The following KAT2A variants were observed in gnomAD, a reference collection of about 807,000 sequenced individuals.
The protein encoded by KAT2A is lysine acetyltransferase 2A, also known as histone acetyltransferase KAT2A.
KAT2A carries 42 observed loss-of-function variants against 95.2 expected under a neutral mutation model. The ratio of observed to expected loss-of-function variants is 0.44; its 90% CI spans 0.34 to 0.57. The LOEUF (loss-of-function observed/expected upper bound fraction) is 0.57. Ranked by LOEUF, KAT2A falls within the 20% of genes least tolerant of loss-of-function variation. The pLI, the probability that KAT2A is intolerant of heterozygous loss-of-function variation, is 0.01. For missense variants in KAT2A, 784 were observed against 1,126.3 expected, an observed-to-expected ratio of 0.70 and a Z score of 4.35; for synonymous variants, 449 against 448.2, an observed-to-expected ratio of 1.00 and a Z score of -0.02.
At position 42,114,809 on chromosome 17, in the gene KAT2A, G is replaced by A. The variant is rs572924075; in HGVS notation, c.2019+83C>T. 87 of 1,420,558 alleles carry A rather than the reference G, an allele frequency of 6.1e-5. 1 individual carries two copies. The highest frequency in any genetic ancestry group is 7.0e-5 in the African/African-American group (5 of 71,296). The allele number at this position is 1,420,558 out of a possible 1,614,324, so 88.0% of individuals were successfully genotyped here. On this transcript the variant is annotated intron_variant, in intron 13 of 17. Transcript: ENST00000225916. The surrounding 1 kb of genome is among the most constrained non-coding windows in gnomAD (Gnocchi z 6.0). ...CTCACACACATATATGCATGTAGACGTAGAACAGGTCTACACACGTGTGCT... is the reference window on the plus strand; with the variant it reads ...CTCACACACATATATGCATGTAGACATAGAACAGGTCTACACACGTGTGCT...
At position 42,117,150 on chromosome 17, in the gene KAT2A, G is replaced by C; in HGVS notation, c.1649C>G (p.Thr550Ser). 6.2e-7 allele frequency: 1 copy of C among 1,614,052 alleles called. No individual in the cohort carries two copies. The highest frequency in any genetic ancestry group is 2.2e-5 in the East Asian group (1 of 44,884). ...ARLVFDPKHK[T>S]LALIKDGRVI... is the part of the protein sequence containing the mutation. Reference sequence around the variant, plus strand: ...CCGCCCATCCTTGATCAAGGCCAGAGTCTTGTGCTTCCTAAGAGAGAGGGG... The same window carrying C: ...CCGCCCATCCTTGATCAAGGCCAGACTCTTGTGCTTCCTAAGAGAGAGGGG... Residue 550 changes from threonine to serine, a missense_variant, in exon 11 of 18, where the codon ACT (threonine) becomes AGT (serine). Physicochemically the swap from Thr to Ser is moderately conservative, Grantham distance 58. Around this residue, in one of 6 missense-constraint regions of KAT2A, gnomAD observed 174 missense variants for 324.9 expected, o/e 0.54. Transcript: ENST00000225916. This position sits in a 1 kb window ranked among gnomAD's most constrained non-coding sequence, Gnocchi z 8.9.
Position 42,114,965 on chromosome 17 carries a change from G to A in KAT2A, c.1946C>T (p.Thr649Met). The A allele has an allele frequency of 6.2e-7, 1 of 1,614,004 alleles. No homozygotes were observed. The highest frequency in any genetic ancestry group is 8.5e-7 in the Non-Finnish European group (1 of 1,179,956). The change falls in exon 13 of 18, where the codon ACG becomes ATG. Residue 649 changes from threonine to methionine, a missense_variant. Thr to Met is a moderately conservative substitution (Grantham distance 81). Coordinates refer to ENST00000225916, the MANE Select transcript of KAT2A (RefSeq NM_021078.3). The surrounding 1 kb of genome is among the most constrained non-coding windows in gnomAD (Gnocchi z 6.0). ...GGGATTCAGCTCACACTCCATCAGC[G>A]TCGCTCCCTCGTAGTCCTTGATGTA... ...LGYIKDYEGA[T>M]LMECELNPRI...
Position 42,120,346 on chromosome 17 carries a change from T to G in KAT2A, c.488A>C (p.Asn163Thr). 1 of 1,614,224 alleles carries G rather than the reference T, an allele frequency of 6.2e-7. No homozygotes were observed. The highest frequency in any genetic ancestry group is 8.5e-7 in the Non-Finnish European group (1 of 1,180,028). The change falls in exon 3 of 18, where the codon AAT becomes ACT. Residue 163 changes from asparagine (N) to threonine (T), a missense_variant. Physicochemically the swap from Asn to Thr is moderately conservative, Grantham distance 65. Transcript: ENST00000225916. ...PLADHVSHLE[N>T]VSEDEINRLL... is the part of the protein sequence containing the mutation. ...TCGGTTTATCTCATCCTCTGACACA[T>G]TCTCCAAGTGGGATACGTGGTCAGC...
chr17:42,116,324 C>A (rs547029660), intron 11 of KAT2A, among the ~76,000 whole-genome samples: 2 of 152,200 alleles, frequency 1.3e-5, no homozygotes, highest in African/African-American at 4.8e-5. Context: ...AGGCACCACA[C>A]AGATCTGAGG....
chr17:42,119,784 G>A lies in KAT2A; in HGVS notation c.700-66C>T, dbSNP rs1046551677. The A allele has an allele frequency of 1.7e-5, 23 of 1,351,406 alleles. No individual in the cohort carries two copies. Among genetic ancestry groups the A allele is most frequent in the Non-Finnish European group, 2.3e-5 (23 of 984,990 alleles). 83.7% of individuals were successfully genotyped at this position (1,351,406 alleles called of 1,614,324 possible). A position where few individuals can be genotyped will look rare whatever the true frequency, so the allele number is the denominator to read the frequency against. On this transcript the variant is annotated intron_variant, in intron 4 of 17. Transcript: ENST00000225916. The surrounding 1 kb of genome is among the most constrained non-coding windows in gnomAD (Gnocchi z 5.3). ...GTGAGCAGCCCGCAGGGCCTTCTTA[G>A]ACAAAGGAAGATGCTCCCTGGCCAG... is the stretch of plus-strand genomic sequence containing the variant.
Position 42,117,244 on chromosome 17 carries a change from G to A in KAT2A, c.1638-83C>T, listed in dbSNP as rs1336232458. ...CCTGGAAGTCTGAGCTGTAGTCAGG[G>A]TTGGGCAGTGAGAAGTAAGAATGCT... is the stretch of plus-strand genomic sequence containing the variant. On this transcript the variant is annotated intron_variant, in intron 10 of 17. Coordinates refer to ENST00000225916, the MANE Select transcript of KAT2A (RefSeq NM_021078.3). This position sits in a 1 kb window ranked among gnomAD's most constrained non-coding sequence, Gnocchi z 8.9. 1.3e-6 allele frequency: 2 copies of A among 1,583,342 alleles called. No individual in the cohort carries two copies. The highest frequency in any genetic ancestry group is 1.1e-5 in the South Asian group (1 of 89,448).
In KAT2A at chr17:42,114,399, A is replaced by G. The variant is rs782674191; in HGVS notation, c.2135-5T>C. The G allele has an allele frequency of 1.2e-6, 2 of 1,613,944 alleles. No individual in the cohort carries two copies. Among genetic ancestry groups the G allele is most frequent in the Middle Eastern group, 3.3e-4 (2 of 6,060 alleles). ...ATGGCTTCCAGCCTGTCTCTCCTGC[A>G]AAGTGGGAAGTGGGAGAATGTCTCT... On this transcript the variant is annotated splice_polypyrimidine_tract_variant and splice_region_variant and intron_variant, in intron 14 of 17. Transcript: ENST00000225916. This position sits in a 1 kb window ranked among gnomAD's most constrained non-coding sequence, Gnocchi z 6.0.
chr17:42,117,170 GA>G lies in KAT2A; in HGVS notation c.1638-10del, dbSNP rs1555666125. ...CCAGAGTCTTGTGCTTCCTAAGAGA[GA>G]GGGGGGCATGTCATAGCCCCTGACT... On this transcript the variant is annotated splice_polypyrimidine_tract_variant and intron_variant, in intron 10 of 17. Transcript: ENST00000225916. This position sits in a 1 kb window ranked among gnomAD's most constrained non-coding sequence, Gnocchi z 8.9. 1 of 1,613,708 alleles carries G rather than the reference GA, an allele frequency of 6.2e-7. No individual in the cohort carries two copies.
In KAT2A at chr17:42,121,279, G is replaced by A; in HGVS notation, c.26C>T (p.Thr9Ile). 2.2e-6 allele frequency: 3 copies of A among 1,375,636 alleles called. No homozygotes were observed. Among genetic ancestry groups the A allele is most frequent in the Non-Finnish European group, 2.8e-6 (3 of 1,070,948 alleles). The allele number at this position is 1,375,636 out of a possible 1,614,324, so 85.2% of individuals were successfully genotyped here. A position where few individuals can be genotyped will look rare whatever the true frequency, so the allele number is the denominator to read the frequency against. The change falls in exon 1 of 18, where the codon ACC becomes ATC. Residue 9 changes from threonine to isoleucine, a missense_variant. Thr to Ile is a moderately conservative substitution (Grantham distance 89). Transcript: ENST00000225916. ...CCGGGGCTGCGCAGCCGGGGCCGGGGTCGGGGCCTGGGAAGGTTCCGCCAT... is the reference window on the plus strand; with the variant it reads ...CCGGGGCTGCGCAGCCGGGGCCGGGATCGGGGCCTGGGAAGGTTCCGCCAT... Reference protein sequence around the residue: MAEPSQAPTPAPAAQPRPL... With the variant: MAEPSQAPIPAPAAQPRPL...
Position 42,117,649 on chromosome 17 carries a change from C to G in KAT2A, c.1428+29G>C, listed in dbSNP as rs2054278135. On this transcript the variant is annotated intron_variant, in intron 9 of 17. Coordinates refer to ENST00000225916, the MANE Select transcript of KAT2A (RefSeq NM_021078.3). The surrounding 1 kb of genome is among the most constrained non-coding windows in gnomAD (Gnocchi z 8.9). ...GGGGTCTCAGGTTGGTGGGGGTCCCCCAACTGGTCAGCAGGTCGGGCTGCC... is the reference window on the plus strand; with the variant it reads ...GGGGTCTCAGGTTGGTGGGGGTCCCGCAACTGGTCAGCAGGTCGGGCTGCC... The G allele has an allele frequency of 6.2e-7, 1 of 1,605,806 alleles. No individual in the cohort carries two copies. The highest frequency in any genetic ancestry group is 2.2e-5 in the East Asian group (1 of 44,616).
rs2054194454 is a variant in KAT2A, at chr17:42,113,237, G to C, written c.*412C>G. The C allele has an allele frequency of 5.7e-6, 1 of 174,224 alleles. No homozygotes were observed. The highest frequency in any genetic ancestry group is 1.2e-5 in the Non-Finnish European group (1 of 82,580). 10.8% of individuals were successfully genotyped at this position (174,224 alleles called of 1,614,324 possible). On this transcript the variant is annotated 3_prime_UTR_variant, in exon 18 of 18. Coordinates refer to ENST00000225916, the MANE Select transcript of KAT2A (RefSeq NM_021078.3). ...GCTGGACAAGGCATGGCCCCCTTCA[G>C]TTTGGGCTGAACTTCCAACCCCTGA...
At chr17:42,118,253 G>A in intron 7 of KAT2A, 44 bp downstream of exon 7, 1 of 1,450,246 alleles carries the variant, frequency 6.9e-7, no homozygotes, top group Non-Finnish European at 9.7e-7. Context: ...GCTTAGCTCA[G>A]CCAGGCAGGC....
In KAT2A at chr17:42,117,957, C is replaced by T; in HGVS notation, c.1241G>A (p.Gly414Asp). 6.2e-7 allele frequency: 1 copy of T among 1,608,210 alleles called. No homozygotes were observed. Among genetic ancestry groups the T allele is most frequent in the Non-Finnish European group, 8.5e-7 (1 of 1,176,144 alleles). The change falls in exon 8 of 18, where the codon GGC becomes GAC. Residue 414 changes from glycine (G) to aspartate (D), a missense_variant. By Grantham distance (94) the Gly-to-Asp change is moderately conservative. Transcript: ENST00000225916. This position sits in a 1 kb window ranked among gnomAD's most constrained non-coding sequence, Gnocchi z 8.9. ...ATCCAGACTCAGGGAGCTGTTGCTG[C>T]CCCCACCCATGCTGGGGCTGAAGAT... ...TPIFSPSMGG[G>D]SNSSLSLDSA...
Position 42,115,666 on chromosome 17 carries a change from A to C in KAT2A, c.1875+57T>G. The C allele has an allele frequency of 1.5e-5, 16 of 1,099,436 alleles. No homozygotes were observed. The South Asian group carries it at 1.9e-4, about 13-fold the overall frequency. The allele number at this position is 1,099,436 out of a possible 1,614,324, so 68.1% of individuals were successfully genotyped here. On this transcript the variant is annotated intron_variant, in intron 12 of 17. Coordinates refer to ENST00000225916, the MANE Select transcript of KAT2A (RefSeq NM_021078.3). ...CCTACTCCATCCACAGAGGGGCTGG[A>C]CAGAATTACCCCAGCCTCCAGGCAA... is the stretch of plus-strand genomic sequence containing the variant.
At chr17:42,118,177 C>G (rs1031011345) in intron 7 of KAT2A, 120 bp downstream of exon 7, 14 of 857,908 alleles carry the variant, frequency 1.6e-5, no homozygotes, top group Non-Finnish European at 2.6e-5. Context: ...GGGGCTGAAG[C>G]CGGTGGCAGG....
intron 2 of KAT2A, 97 bp downstream of exon 2, chr17:42,120,609 T>C (rs1001757855): frequency 9.5e-6 from 13 of 1,367,226 alleles, no homozygotes; most frequent in Non-Finnish European, 1.3e-5. Context: ...TCGAGGCATC[T>C]TTGATTTTTT....
intron 17 of KAT2A, 48 bp from the exon 18 acceptor site, chr17:42,113,890 G>A (rs782241333): frequency 1.6e-5 from 24 of 1,511,696 alleles, no homozygotes; most frequent in Admixed American, 7.3e-5. Context: ...TGAAGACCAC[G>A]GCAGGGCTGT....
Position 42,121,020 on chromosome 17 carries a change from C to T in KAT2A, c.285G>A (p.Arg95=), listed in dbSNP as rs1555667210. 6.3e-7 allele frequency: 1 copy of T among 1,595,244 alleles called. No individual in the cohort carries two copies. Among genetic ancestry groups the T allele is most frequent in the East Asian group, 2.3e-5 (1 of 44,086 alleles). Reference sequence around the variant, plus strand: ...CAAGCTTCTTGGCGCGCGGCAGCCCCCGGACTTGCGCCTTCCTCTGACTGG... The same window carrying T: ...CAAGCTTCTTGGCGCGCGGCAGCCCTCGGACTTGCGCCTTCCTCTGACTGG... ...QRASQRKAQV[R]GLPRAKKLEK... is the part of the protein sequence containing the mutation. Residue 95 remains arginine (R), a synonymous_variant, in exon 1 of 18, where the codon CGG becomes CGA. Coordinates refer to ENST00000225916, the MANE Select transcript of KAT2A (RefSeq NM_021078.3).
chr17:42,117,948 C>T lies in KAT2A; in HGVS notation c.1250G>A (p.Ser417Asn). ...CCCTGCAGAATCCAGACTCAGGGAG[C>T]TGTTGCTGCCCCCACCCATGCTGGG... ...FSPSMGGGSN[S>N]SLSLDSAGAE... The change falls in exon 8 of 18, where the codon AGC becomes AAC. Residue 417 changes from serine (S) to asparagine (N), a missense_variant. Physicochemically the swap from Ser to Asn is conservative, Grantham distance 46. This residue lies in a region of KAT2A where 63 missense variants were observed against 70.1 expected (regional missense o/e 0.90). Transcript: ENST00000225916. The surrounding 1 kb of genome is among the most constrained non-coding windows in gnomAD (Gnocchi z 8.9). 1 of 1,608,302 alleles carries T rather than the reference C, an allele frequency of 6.2e-7. No homozygotes were observed.
Sources: allele counts gnomAD v4.1 joint callset (sites outside exome capture counted in the v4.1 genomes callset), GRCh38; gene constraint gnomAD v4.1.1; regional missense constraint gnomAD v4.1.1; non-coding constraint Gnocchi (gnomAD v3.1); transcripts MANE v1.5; gene names NCBI Gene and HGNC (gene_info 2026-07-23, HGNC 2026-07-21).